Variants in ASXL1 observed in about 807,000 individuals in gnomAD.
ASXL1 encodes the protein polycomb group protein ASXL1.
In ASXL1, 65 loss-of-function variants were observed where a neutral mutation model predicts 89.1. The observed-to-expected ratio is 0.73, with a 90% confidence interval of 0.60 to 0.90. The LOEUF is 0.90. Ranked by LOEUF, ASXL1 falls within the 40% of genes least tolerant of loss-of-function variation. The probability of loss-of-function intolerance (pLI) is 0.00; values close to 1 mark genes in which losing one functional copy is unlikely to be tolerated. For synonymous variants in ASXL1, 739 were observed against 746.9 expected (o/e 0.99, Z 0.17); for missense variants, 1,786 against 1,942.9 (o/e 0.92, Z 1.52).
In ASXL1 at chr20:32,437,981, A is replaced by G. The variant is rs1025776153; in HGVS notation, c.*643A>G. ...ACCCACAGGATCATTTGGAACCTTG[A>G]ATAGCTCTGCTTGGACAATGGGGTT... On this transcript the variant is annotated 3_prime_UTR_variant, in exon 13 of 13. Transcript: ENST00000375687. The G allele has an allele frequency of 4.2e-6, 1 of 235,350 alleles. No homozygotes were observed. The highest frequency in any genetic ancestry group is 2.2e-5 in the African/African-American group (1 of 45,330). The allele number at this position is 235,350 out of a possible 1,614,324, so 14.6% of individuals were successfully genotyped here. A position where few individuals can be genotyped will look rare whatever the true frequency, so the allele number is the denominator to read the frequency against.
chr20:32,389,977 T>C (rs893601407), intron 4 of ASXL1, among the ~76,000 whole-genome samples: 1 of 152,268 alleles, frequency 6.6e-6, no homozygotes, highest in African/African-American at 2.4e-5. Context: ...TATTTAAATA[T>C]ATGCCATATA....
chr20:32,359,815 A>T (rs2048079668), intron 1 of ASXL1: 1 of 717,734 alleles, frequency 1.4e-6, no homozygotes, highest in Non-Finnish European at 2.6e-6. Context: ...CTTTTGGATT[A>T]CTCCCACAAA....
intron 4 of ASXL1, among the ~76,000 whole-genome samples, chr20:32,407,059 T>C (rs1489105350): frequency 2.0e-5 from 3 of 152,002 alleles, no homozygotes; most frequent in Non-Finnish European, 4.4e-5. Flanking sequence ...TTGAAATATA[T>C]AGGTGGGCTT....
At chr20:32,398,325 G>A (rs186449441) in intron 4 of ASXL1, among the ~76,000 whole-genome samples, 23 of 151,738 alleles carry the variant, frequency 1.5e-4, no homozygotes, top group African/African-American at 5.3e-4. Flanking sequence ...GGGTTCAAGC[G>A]ATTCTCAGCC....
At chr20:32,411,063 AAAT>A in intron 4 of ASXL1, among the ~76,000 whole-genome samples, 2 of 139,164 alleles carry the variant, frequency 1.4e-5, no homozygotes, top group African/African-American at 2.6e-5. Flanking sequence ...AAATAAAAAA[AAAT>A]TAGTACTCTG....
At position 32,433,453 on chromosome 20, in the gene ASXL1, A is replaced by T; in HGVS notation, c.1255A>T (p.Arg419Ter). 6.2e-7 allele frequency: 1 copy of T among 1,614,226 alleles called. No individual in the cohort carries two copies. The highest frequency in any genetic ancestry group is 1.6e-4 in the Middle Eastern group (1 of 6,062). ...ACGCTCTCGGCCAGATCTCCGAACC[A>T]GAGCCAGAAGGAATCTGTACAAAAA... ...KKRSRPDLRT[R>*]ARRNLYKKQE... is the part of the protein sequence containing the mutation. Residue 419 changes from arginine (R) to a stop codon, truncating the protein, a stop_gained, in exon 12 of 13, where the codon AGA (arginine) becomes TGA (stop). Coordinates refer to ENST00000375687, the MANE Select transcript of ASXL1 (RefSeq NM_015338.6). LOFTEE classifies it high-confidence loss of function.
chr20:32,366,741 CAG>C (rs1016519542), intron 2 of ASXL1, among the ~76,000 whole-genome samples: 5 of 152,134 alleles, frequency 3.3e-5, no homozygotes, highest in African/African-American at 1.2e-4. Context: ...TGTAAGGAGT[CAG>C]GGCACATTTT....
At position 32,435,529 on chromosome 20, in the gene ASXL1, A is replaced by G; in HGVS notation, c.2817A>G (p.Ala939=). The part of the protein sequence containing the change: ...EWEKAAPTPP[A]LPGDLTAEEG... Reference sequence around the variant, plus strand: ...AGAAAGCTGCTCCCACCCCTCCTGCATTGCCTGGGGATTTGACAGCTGAGG... The same window carrying G: ...AGAAAGCTGCTCCCACCCCTCCTGCGTTGCCTGGGGATTTGACAGCTGAGG... The change falls in exon 13 of 13, where the codon GCA becomes GCG. Residue 939 remains alanine (A), a synonymous_variant. Transcript: ENST00000375687. 1.2e-6 allele frequency: 2 copies of G among 1,614,064 alleles called. No individual in the cohort carries two copies. Among genetic ancestry groups the G allele is most frequent in the East Asian group, 2.2e-5 (1 of 44,884 alleles).
At chr20:32,385,388 A>C (rs1217241475) in intron 4 of ASXL1, among the ~76,000 whole-genome samples, 5 of 152,188 alleles carry the variant, frequency 3.3e-5, no homozygotes, top group African/African-American at 1.2e-4. Flanking sequence ...GGAATAGCTT[A>C]ATTAATTTGT....
At chr20:32,405,234 T>C (rs1271408464) in intron 4 of ASXL1, among the ~76,000 whole-genome samples, 2 of 152,118 alleles carry the variant, frequency 1.3e-5, no homozygotes, top group East Asian at 1.9e-4. Context: ...TGCCTCAGCC[T>C]CCTGAGTAGC....
In ASXL1 at chr20:32,396,716, CAGCAGT is replaced by C. The variant is rs2048767624; in HGVS notation, c.252+27596_252+27601del. ...TCACTGTATTGCTTTTCAGTGCCTA[CAGCAGT>C]AGGATTCACTTAAAAAATTATTCCC... On this transcript the variant is annotated intron_variant, in intron 4 of 12. Coordinates refer to ENST00000375687, the MANE Select transcript of ASXL1 (RefSeq NM_015338.6). Among the ~76,000 whole-genome samples the C allele has an allele frequency of 3.3e-5, 5 of 152,234 alleles. No homozygotes were observed. In the South Asian group the frequency reaches 1.0e-3, roughly 32 times the overall value.
chr20:32,433,212 C>G lies in ASXL1; in HGVS notation c.1086-72C>G, dbSNP rs143019918. ...TTCTGAGATATCTGTGTTTCTGGGT[C>G]CATATTATTCATAGAAATAAGAGAC... On this transcript the variant is annotated intron_variant, in intron 11 of 12. Transcript: ENST00000375687. 3.5e-4 allele frequency: 562 copies of G among 1,602,726 alleles called. 14 individuals are homozygous for G. In the East Asian group the frequency reaches 0.012, roughly 34 times the overall value.
At chr20:32,419,507 C>T (rs1052932072) in intron 4 of ASXL1, among the ~76,000 whole-genome samples, 1 of 152,032 alleles carries the variant, frequency 6.6e-6, no homozygotes, top group African/African-American at 2.4e-5. Flanking sequence ...CTGGCCTTAC[C>T]AAGGTTTTAA....
chr20:32,418,897 A>G (rs1489308765), intron 4 of ASXL1, among the ~76,000 whole-genome samples: 4 of 122,588 alleles, frequency 3.3e-5, no homozygotes, highest in East Asian at 2.6e-4. Flanking sequence ...CAGTGGCACA[A>G]TCTTGGCCTA....
In ASXL1 at chr20:32,422,740, C is replaced by A. The variant is rs927338906; in HGVS notation, c.253-5388C>A. 2.8e-4 allele frequency among the ~76,000 whole-genome samples: 42 copies of A among 151,546 alleles called. 1 individual carries two copies. The highest frequency in any genetic ancestry group is 1.8e-4 in the Non-Finnish European group (12 of 67,914). On this transcript the variant is annotated intron_variant, in intron 4 of 12. Coordinates refer to ENST00000375687, the MANE Select transcript of ASXL1 (RefSeq NM_015338.6). ...TAGCTGGGATTACAAGCGTGCACCACCATGCCCGGCTAATTTTTGTATTTT... is the reference window on the plus strand; with the variant it reads ...TAGCTGGGATTACAAGCGTGCACCAACATGCCCGGCTAATTTTTGTATTTT...
chr20:32,434,227 T>A, intron 12 of ASXL1: 1 of 718,812 alleles, frequency 1.4e-6, no homozygotes, highest in Non-Finnish European at 2.3e-6. Flanking sequence ...AATTTAGAAG[T>A]GTGGCATATA....
At chr20:32,372,074 G>A (rs1022508577) in intron 4 of ASXL1, 2 of 1,332,860 alleles carry the variant, frequency 1.5e-6, no homozygotes, top group African/African-American at 3.0e-5. Flanking sequence ...AGTTTTATTT[G>A]TGTTTGTAAT....
intron 4 of ASXL1, among the ~76,000 whole-genome samples, chr20:32,385,622 CT>C (rs953069566): frequency 4.5e-4 from 66 of 146,588 alleles, no homozygotes; most frequent in Admixed American, 4.8e-4. Context: ...AAAACTTCAA[CT>C]TTTTTTTTTT....
At chr20:32,421,770 C>G (rs1252508912) in intron 4 of ASXL1, among the ~76,000 whole-genome samples, 1 of 151,910 alleles carries the variant, frequency 6.6e-6, no homozygotes, top group Non-Finnish European at 1.5e-5. Context: ...TGTATGAGTC[C>G]ATTTACATGA....
Sources: allele counts gnomAD v4.1 joint callset (sites outside exome capture counted in the v4.1 genomes callset), GRCh38; gene constraint gnomAD v4.1.1; transcripts MANE v1.5; gene names NCBI Gene and HGNC (gene_info 2026-07-23, HGNC 2026-07-21).